TENM3: variants seen among roughly 807,000 people sequenced by gnomAD.
The protein encoded by TENM3 is teneurin-3.
A neutral mutation model predicts 255.1 loss-of-function variants in TENM3; 63 were observed. The observed-to-expected ratio is 0.25, with a 90% CI of 0.20 to 0.30. The LOEUF (loss-of-function observed/expected upper bound fraction) is 0.30. TENM3 is among the 10% of genes least tolerant of loss of function. TENM3 has a pLI of 1.00. For missense variants in TENM3, 2,929 were observed against 3,461.1 expected (o/e 0.85, Z 3.86); for synonymous variants, 1,306 against 1,322.3 (o/e 0.99, Z 0.27).
chr4:182,597,276 G>GCACAT (rs1458766230), intron 3 of TENM3, among the ~76,000 whole-genome samples: 3 of 152,072 alleles, frequency 2.0e-5, no homozygotes, highest in Non-Finnish European at 4.4e-5. Context: ...GGGCGTGGTG[G>GCACAT]CACATGCCTG....
At chr4:181,605,635 A>G in the TENM3 span, among the ~76,000 whole-genome samples, 1 of 152,114 alleles carries the variant, frequency 6.6e-6, no homozygotes, top group African/African-American at 2.4e-5. Flanking sequence ...CAAGCAAACC[A>G]GCACCACATA....
the TENM3 span, among the ~76,000 whole-genome samples, chr4:181,548,537 G>A: frequency 0.028 from 4,245 of 152,186 alleles, 137 homozygotes; most frequent in African/African-American, 0.072. Flanking sequence ...TCTGATTGAG[G>A]GAGTACAGGG....
the TENM3 span, chr4:182,085,048 G>A: frequency 6.6e-6 from 1 of 152,132 alleles, no homozygotes; most frequent in African/African-American, 2.4e-5. Context: ...TCCAAAATCT[G>A]TCATCTGAAC....
intron 3 of TENM3, among the ~76,000 whole-genome samples, chr4:182,409,352 T>C (rs184943272): frequency 1.3e-5 from 2 of 152,240 alleles, no homozygotes; most frequent in Admixed American, 1.3e-4. Flanking sequence ...TATTAGAAAA[T>C]GTAGTTCCTT....
chr4:181,540,357 G>A, the TENM3 span, among the ~76,000 whole-genome samples: 7 of 152,174 alleles, frequency 4.6e-5, no homozygotes, highest in African/African-American at 1.7e-4. Flanking sequence ...ACAAACCCCT[G>A]GTGGTAGAAA....
chr4:182,617,874 A>T (rs892819383), intron 4 of TENM3, among the ~76,000 whole-genome samples: 1 of 152,202 alleles, frequency 6.6e-6, no homozygotes. Context: ...TTTCCTATGC[A>T]GTAGTGCCTT....
chr4:182,194,750 A>G (rs1294636360), intron 1 of TENM3, among the ~76,000 whole-genome samples: 1 of 152,208 alleles, frequency 6.6e-6, no homozygotes, highest in Non-Finnish European at 1.5e-5. Context: ...AAGATTTATG[A>G]CAAACATTTT....
chr4:181,606,295 C>T, the TENM3 span, among the ~76,000 whole-genome samples: 3 of 152,106 alleles, frequency 2.0e-5, no homozygotes. Flanking sequence ...CACAGCATGC[C>T]CCTGTCTCTC....
chr4:182,434,529 G>T (rs1771900709), intron 3 of TENM3, among the ~76,000 whole-genome samples: 1 of 151,902 alleles, frequency 6.6e-6, no homozygotes, highest in South Asian at 2.1e-4. Flanking sequence ...CGAGCGTGAT[G>T]GTGGGCACCT....
chr4:182,649,386 G>A (rs1317580658), intron 5 of TENM3, among the ~76,000 whole-genome samples: 1 of 150,466 alleles, frequency 6.6e-6, no homozygotes, highest in Non-Finnish European at 1.5e-5. Context: ...CAGATAGGCA[G>A]TATTGCTGTC....
chr4:181,670,903 C>T, the TENM3 span, among the ~76,000 whole-genome samples: 5 of 152,186 alleles, frequency 3.3e-5, no homozygotes, highest in African/African-American at 1.2e-4. Context: ...CAGCATTGCA[C>T]AGGTTCGGCA....
chr4:182,100,806 T>TATATATACACAC, the TENM3 span, among the ~76,000 whole-genome samples: 2 of 5,930 alleles, frequency 3.4e-4, no homozygotes, highest in Admixed American at 1.9e-3. Flanking sequence ...CACATATATA[T>TATATATACACAC]ACACATATAT....
chr4:182,182,133 C>T lies in TENM3; in HGVS notation c.-76+37379C>T, dbSNP rs897355426. On this transcript the variant is annotated intron_variant, in intron 1 of 2. Transcript: ENST00000512480. The stretch of plus-strand genomic sequence containing the variant: ...ACTGGATGGTTGTATCCACCTAGAT[C>T]AGCAATGAGAAAGGATAAGAAAATT... Among the ~76,000 whole-genome samples the T allele has an allele frequency of 7.9e-5, 12 of 152,186 alleles. No individual in the cohort carries two copies. In the East Asian group the frequency reaches 2.3e-3, roughly 29 times the overall value.
At chr4:182,707,446 G>A (rs1367058198) in intron 12 of TENM3, among the ~76,000 whole-genome samples, 1 of 152,072 alleles carries the variant, frequency 6.6e-6, no homozygotes, top group African/African-American at 2.4e-5. Context: ...GCAGAAAAGA[G>A]CAAATTATCT....
chr4:181,959,043 G>C, the TENM3 span, among the ~76,000 whole-genome samples: 1 of 152,018 alleles, frequency 6.6e-6, no homozygotes, highest in Non-Finnish European at 1.5e-5. Context: ...GTTTTTTGTT[G>C]TTGTTGTTTG....
chr4:181,965,377 A>G, the TENM3 span, among the ~76,000 whole-genome samples: 1 of 152,332 alleles, frequency 6.6e-6, no homozygotes, highest in African/African-American at 2.4e-5. Context: ...TTTCAAGCAT[A>G]TTCAAAAGTA....
At chr4:181,722,436 G>A in the TENM3 span, among the ~76,000 whole-genome samples, 1 of 152,272 alleles carries the variant, frequency 6.6e-6, no homozygotes, top group Middle Eastern at 3.4e-3. Context: ...GCAGTGAGTG[G>A]GAGGGTTGGA....
chr4:182,553,252 G>T (rs556082764), intron 3 of TENM3, among the ~76,000 whole-genome samples: 2 of 151,778 alleles, frequency 1.3e-5, no homozygotes, highest in Admixed American at 1.3e-4. Context: ...GAGCCACCAC[G>T]CCCAGCAGTG....
chr4:181,513,526 A>C, the TENM3 span, among the ~76,000 whole-genome samples: 58 of 152,322 alleles, frequency 3.8e-4, no homozygotes, highest in African/African-American at 1.4e-3. Context: ...AGTTGTGACC[A>C]TAAAATATAT....
Sources: allele counts gnomAD v4.1 joint callset (sites outside exome capture counted in the v4.1 genomes callset), GRCh38; gene constraint gnomAD v4.1.1; transcripts MANE v1.5; gene names NCBI Gene and HGNC (gene_info 2026-07-23, HGNC 2026-07-21).